The following SRGAP3 variants were observed in gnomAD, a reference collection of about 807,000 sequenced individuals.
The protein encoded by SRGAP3 is SLIT-ROBO Rho GTPase-activating protein 3.
In SRGAP3, 39 loss-of-function variants were observed where a neutral mutation model predicts 121.1. That is an observed-to-expected ratio of 0.32 (90% CI 0.25 to 0.42). The LOEUF is 0.42. Ranked by LOEUF, SRGAP3 falls within the 10% of genes least tolerant of loss-of-function variation. SRGAP3 has a pLI of 1.00. For synonymous variants in SRGAP3, 601 were observed against 570.0 expected (o/e 1.05, Z -0.77); for missense variants, 1,213 against 1,470.6 (o/e 0.82, Z 2.86).
intron 3 of SRGAP3, among the ~76,000 whole-genome samples, chr3:9,080,899 G>A (rs905783581): frequency 1.3e-5 from 2 of 152,122 alleles, no homozygotes; most frequent in Non-Finnish European, 2.9e-5. Context: ...CTACATTACA[G>A]TGAGTTGCAT....
intron 1 of SRGAP3, among the ~76,000 whole-genome samples, chr3:9,215,750 A>G (rs1293052047): frequency 6.6e-6 from 1 of 152,206 alleles, no homozygotes; most frequent in East Asian, 1.9e-4. Context: ...GCCCTTAGAC[A>G]TCAGAACTCA....
At chr3:9,062,224 T>C (rs1221147772) in intron 5 of SRGAP3, among the ~76,000 whole-genome samples, 1 of 152,124 alleles carries the variant, frequency 6.6e-6, no homozygotes, top group Non-Finnish European at 1.5e-5. Context: ...TTCATTAAAC[T>C]CATCTATTTT....
At chr3:9,352,554 G>A (rs965354905) in intron 1 of SRGAP3, among the ~76,000 whole-genome samples, 2 of 152,138 alleles carry the variant, frequency 1.3e-5, no homozygotes, top group African/African-American at 2.4e-5. Flanking sequence ...GATTACTGGC[G>A]TGAGCCACCA....
intron 4 of SRGAP3, among the ~76,000 whole-genome samples, chr3:9,078,138 A>T (rs771687238): frequency 8.5e-5 from 13 of 152,196 alleles, no homozygotes; most frequent in Non-Finnish European, 1.6e-4. Context: ...ACAGGTAGGT[A>T]TAGACAGCAG....
In SRGAP3 at chr3:9,262,534, C is replaced by CAAAAAAAAAAAAAAAAAAAAA. The variant is rs765408588; in HGVS notation, n.442+63455_442+63475dup. Among the ~76,000 whole-genome samples the CAAAAAAAAAAAAAAAAAAAAA allele has an allele frequency of 3.9e-4, 10 of 25,564 alleles. 1 individual carries two copies. The highest frequency in any genetic ancestry group is 6.8e-4 in the Non-Finnish European group (9 of 13,268). 16.8% of individuals were successfully genotyped at this position (25,564 alleles called of 152,430 possible). A position where few individuals can be genotyped will look rare whatever the true frequency, so the allele number is the denominator to read the frequency against. Reference sequence around the variant, plus strand: ...GAAGATTTACCAAGCAAATGGAAAGCAAAAAAAAAAAAAAAAAAAAAAGCA... The same window carrying CAAAAAAAAAAAAAAAAAAAAA: ...GAAGATTTACCAAGCAAATGGAAAGCAAAAAAAAAAAAAAAAAAAAAAAAAAAAAAAAAAAAAAAAAAAGCA... On this transcript the variant is annotated intron_variant and non_coding_transcript_variant, in intron 3 of 3. Transcript: ENST00000490889.
intron 3 of SRGAP3, chr3:9,292,453 A>C (rs575502548): frequency 2.9e-4 from 44 of 152,176 alleles, no homozygotes; most frequent in African/African-American, 7.9e-4. Context: ...ACACTTCCAA[A>C]ATAGTCACTT....
At chr3:9,173,981 T>C (rs1214110639) in intron 1 of SRGAP3, among the ~76,000 whole-genome samples, 2 of 152,184 alleles carry the variant, frequency 1.3e-5, no homozygotes, top group African/African-American at 2.4e-5. Context: ...CCATTCATAA[T>C]GTGTCCATCG....
chr3:9,348,116 G>T (rs747189081), intron 1 of SRGAP3, among the ~76,000 whole-genome samples: 1 of 152,138 alleles, frequency 6.6e-6, no homozygotes, highest in Non-Finnish European at 1.5e-5. Context: ...TGGGTTCACC[G>T]CAACAGTAGA....
Position 9,130,194 on chromosome 3 carries a change from C to T in SRGAP3, c.68-5277G>A, listed in dbSNP as rs371898719. On this transcript the variant is annotated intron_variant, in intron 1 of 21. Transcript: ENST00000383836. The stretch of plus-strand genomic sequence containing the variant: ...CCACAAATACATACAAAACACACAA[C>T]ACATACCACACACAACACCACTCAC... 1.6e-4 allele frequency among the ~76,000 whole-genome samples: 25 copies of T among 152,222 alleles called. No individual in the cohort carries two copies. In the East Asian group the frequency reaches 1.7e-3, roughly 11 times the overall value.
chr3:9,342,266 G>A (rs530257920), intron 1 of SRGAP3, among the ~76,000 whole-genome samples: 21 of 151,848 alleles, frequency 1.4e-4, no homozygotes, highest in African/African-American at 4.4e-4. Context: ...CAGAAGAATC[G>A]CTTGAACCCG....
intron 6 of SRGAP3, 29 bp from the exon 7 acceptor site, chr3:9,058,501 T>C: frequency 1.9e-6 from 3 of 1,609,494 alleles, no homozygotes; most frequent in Non-Finnish European, 1.7e-6. Context: ...CGGAAGGTTA[T>C]GGGTGACAGC....
intron 3 of SRGAP3, among the ~76,000 whole-genome samples, chr3:9,308,643 T>C (rs1955195768): frequency 6.6e-6 from 1 of 152,194 alleles, no homozygotes; most frequent in Non-Finnish European, 1.5e-5. Context: ...GCTTGGGAAC[T>C]TATGCTGAAG....
chr3:9,279,138 C>T (rs1196807551), intron 3 of SRGAP3, among the ~76,000 whole-genome samples: 1 of 152,080 alleles, frequency 6.6e-6, no homozygotes, highest in Non-Finnish European at 1.5e-5. Context: ...TATCCAATAC[C>T]CTAAACAACC....
chr3:9,104,723 C>T lies in SRGAP3; in HGVS notation c.380G>A (p.Arg127His), dbSNP rs1328984631. ...GACATCCTCACTGATCTGGGAGAGG[C>T]GGACGATGACATTGTTCATGAAGAT... is the stretch of plus-strand genomic sequence containing the variant. ...NDIFMNNVIV[R>H]LSQISEDVIR... The change falls in exon 3 of 22, where the codon CGC becomes CAC. Residue 127 changes from arginine (R) to histidine (H), a missense_variant. Transcript: ENST00000383836. 6 of 1,614,052 alleles carry T rather than the reference C, an allele frequency of 3.7e-6. No homozygotes were observed. The highest frequency in any genetic ancestry group is 4.2e-6 in the Non-Finnish European group (5 of 1,180,032).
chr3:9,038,218 T>A, intron 10 of SRGAP3, 128 bp from the exon 11 acceptor site: 1 of 1,274,618 alleles, frequency 7.8e-7, no homozygotes, highest in Non-Finnish European at 1.1e-6. Flanking sequence ...TAATTATGCC[T>A]AAGGTGCGGT....
chr3:9,155,339 G>A (rs1950381381), intron 1 of SRGAP3, among the ~76,000 whole-genome samples: 3 of 152,062 alleles, frequency 2.0e-5, no homozygotes, highest in South Asian at 2.1e-4. Flanking sequence ...TCTCTTTGGA[G>A]GTTTGCATTT....
At chr3:9,066,016 C>T (rs141662526) in intron 4 of SRGAP3, among the ~76,000 whole-genome samples, 155 of 152,246 alleles carry the variant, frequency 1.0e-3, no homozygotes, top group Admixed American at 3.1e-3. Context: ...CCAAGCTCGT[C>T]TCAAACTCCT....
At chr3:9,358,203 A>T (rs2728950) in intron 1 of SRGAP3, among the ~76,000 whole-genome samples, 5 of 151,854 alleles carry the variant, frequency 3.3e-5, no homozygotes, top group East Asian at 1.9e-4. Context: ...CACTTCCATA[A>T]GAAACTCTAC....
chr3:9,047,927 C>T (rs576762793), intron 9 of SRGAP3, among the ~76,000 whole-genome samples: 2 of 152,252 alleles, frequency 1.3e-5, no homozygotes, highest in African/African-American at 4.8e-5. Flanking sequence ...AGCCTCGGAA[C>T]GAGTCTTCCT....
Sources: gnomAD v4.1 joint callset for allele counts (sites outside exome capture counted in the v4.1 genomes callset) on GRCh38, gnomAD v4.1.1 for gene constraint, MANE v1.5 for transcripts, NCBI Gene and HGNC (gene_info 2026-07-23, HGNC 2026-07-21) for gene names.